Variants in POLA1 observed in about 807,000 individuals in gnomAD.
POLA1 encodes the protein DNA polymerase alpha 1, catalytic subunit, also known as DNA polymerase alpha catalytic subunit.
In POLA1, 15 loss-of-function variants were observed where a neutral mutation model predicts 124.0. The observed-to-expected ratio is 0.12, with a 90% CI of 0.08 to 0.19. The LOEUF (loss-of-function observed/expected upper bound fraction) is 0.19. Ranked by LOEUF, POLA1 falls within the 10% of genes least tolerant of loss-of-function variation. POLA1 has a pLI of 1.00. For synonymous variants in POLA1, 408 were observed against 389.4 expected, an observed-to-expected ratio of 1.05 and a Z score of -0.56; for missense variants, 886 against 1,103.4, an observed-to-expected ratio of 0.80 and a Z score of 2.79.
intron 36 of POLA1, among the ~76,000 whole-genome samples, chrX:24,975,057 G>T (rs1435305404): frequency 8.9e-6 from 1 of 112,573 alleles, no homozygotes; most frequent in African/African-American, 3.2e-5. Context: ...TGTCACCCAG[G>T]CTGGAGTGCA....
chrX:24,891,468 A>G (rs916098646), intron 35 of POLA1, among the ~76,000 whole-genome samples: 3 of 111,738 alleles, frequency 2.7e-5, no homozygotes, highest in African/African-American at 3.3e-5. Context: ...TCTTAATTCT[A>G]TTTGTGAGGT....
chrX:24,799,532 C>G (rs1219631973), intron 26 of POLA1, among the ~76,000 whole-genome samples: 1 of 112,340 alleles, frequency 8.9e-6, no homozygotes, highest in Non-Finnish European at 1.9e-5. Flanking sequence ...CTGAGCATAG[C>G]CAGCCTGACG....
intron 35 of POLA1, among the ~76,000 whole-genome samples, chrX:24,903,213 C>T (rs1405821251): frequency 1.8e-5 from 2 of 112,853 alleles, no homozygotes; most frequent in Admixed American, 1.9e-4. Flanking sequence ...CAAACTGTTC[C>T]GTGATATATC....
At chrX:24,816,851 C>T (rs1007921419) in intron 30 of POLA1, among the ~76,000 whole-genome samples, 19 of 111,492 alleles carry the variant, frequency 1.7e-4, no homozygotes. Context: ...CACAATATTA[C>T]TAGTGTGCAA....
intron 35 of POLA1, among the ~76,000 whole-genome samples, chrX:24,906,247 A>G (rs765291258): frequency 1.8e-5 from 2 of 112,612 alleles, no homozygotes; most frequent in Non-Finnish European, 3.7e-5. Context: ...AAAATATGAA[A>G]CCAACATAAA....
chrX:24,817,754 A>AT (rs1440027812), intron 30 of POLA1, among the ~76,000 whole-genome samples: 1 of 110,971 alleles, frequency 9.0e-6, no homozygotes, highest in African/African-American at 3.3e-5. Context: ...TTCTGTATCT[A>AT]TTTACAGTAA....
chrX:24,924,597 A>G (rs1045868128), intron 35 of POLA1, among the ~76,000 whole-genome samples: 1 of 112,020 alleles, frequency 8.9e-6, no homozygotes, highest in Admixed American at 9.5e-5. Flanking sequence ...GCTGTAGGTC[A>G]GAGGGTGTAG....
intron 4 of POLA1, among the ~76,000 whole-genome samples, chrX:24,710,109 G>A (rs1399153490): frequency 1.3e-5 from 1 of 76,987 alleles, no homozygotes; most frequent in Non-Finnish European, 2.6e-5. Context: ...GGCGGCGCTC[G>A]CCGGCGCCTT....
chrX:24,947,352 T>G (rs981739174), intron 36 of POLA1, among the ~76,000 whole-genome samples: 1 of 93,736 alleles, frequency 1.1e-5, no homozygotes, highest in African/African-American at 4.0e-5. Context: ...ACTGCAGCCT[T>G]GACTCCCCAG....
intron 6 of POLA1, among the ~76,000 whole-genome samples, chrX:24,715,433 T>A (rs1049670287): frequency 9.0e-6 from 1 of 110,966 alleles, no homozygotes; most frequent in Admixed American, 9.6e-5. Flanking sequence ...TAGCTAGGAT[T>A]ACAGGCACCT....
At chrX:24,703,646 A>G (rs1457361297) in intron 3 of POLA1, among the ~76,000 whole-genome samples, 1 of 111,999 alleles carries the variant, frequency 8.9e-6, no homozygotes, top group Non-Finnish European at 1.9e-5. Context: ...CTGTGGGGCC[A>G]ATGCACAGCG....
Position 24,906,856 on chromosome X carries a change from G to C in POLA1, c.4164+18734G>C, listed in dbSNP as rs555807891. On this transcript the variant is annotated intron_variant, in intron 35 of 36. Coordinates refer to ENST00000379068, the MANE Select transcript of POLA1 (RefSeq NM_001330360.2). ...CAATCATAGAATGGAGACGACAGGA[G>C]AAAGAGTAAATGAGCTTGAAGATAG... 2.5e-4 allele frequency among the ~76,000 whole-genome samples: 28 copies of C among 111,645 alleles called. 1 individual carries two copies. In the South Asian group the frequency reaches 0.011, roughly 42 times the overall value.
intron 36 of POLA1, among the ~76,000 whole-genome samples, chrX:24,988,290 CA>C (rs1282272056): frequency 8.9e-6 from 1 of 112,364 alleles, no homozygotes; most frequent in Non-Finnish European, 1.9e-5. Context: ...ATTTGTTGAC[CA>C]TTAACATGGT....
rs35938897 is a variant in POLA1 at position 24,801,924 on chromosome X, GGTGTGTGTGTGT to G, written c.2965-7938_2965-7927del. Among the ~76,000 whole-genome samples the G allele has an allele frequency of 3.5e-3, 259 of 74,537 alleles. 1 individual carries two copies. Among genetic ancestry groups the G allele is most frequent in the African/African-American group, 0.013 (230 of 18,236 alleles). The allele number at this position is 74,537 out of a possible 115,157, so 64.7% of individuals were successfully genotyped here. A position where few individuals can be genotyped will look rare whatever the true frequency, so the allele number is the denominator to read the frequency against. ...ACAGAGCCACTAGGAGAGGTGGGTG[GGTGTGTGTGTGT>G]GTGTGTGTGTGTGTGTGTGTGTGTG... On this transcript the variant is annotated intron_variant, in intron 26 of 36. Transcript: ENST00000379068.
At chrX:24,951,524 G>A (rs1034185219) in intron 36 of POLA1, among the ~76,000 whole-genome samples, 13 of 109,546 alleles carry the variant, frequency 1.2e-4, no homozygotes, top group African/African-American at 4.0e-4. Flanking sequence ...TTTAAATACT[G>A]GTGTGTTTAC....
chrX:24,930,853 A>ATG (rs1244160300), intron 36 of POLA1, among the ~76,000 whole-genome samples: 1 of 112,609 alleles, frequency 8.9e-6, no homozygotes, highest in Non-Finnish European at 1.9e-5. Flanking sequence ...GAGTTTAGTA[A>ATG]CTGTAATAAA....
chrX:24,963,686 A>G (rs986412087), intron 36 of POLA1, among the ~76,000 whole-genome samples: 25 of 111,823 alleles, frequency 2.2e-4, no homozygotes, highest in African/African-American at 7.8e-4. Context: ...CTCATTTGAT[A>G]TATTATGGTA....
At chrX:24,798,547 A>G (rs2045652238) in intron 26 of POLA1, among the ~76,000 whole-genome samples, 1 of 110,917 alleles carries the variant, frequency 9.0e-6, no homozygotes, top group Non-Finnish European at 1.9e-5. Flanking sequence ...TTAAGAAACC[A>G]TTTTTTTCTA....
rs1224714587 is a variant in POLA1, at chrX:24,716,472, A to G, written c.618+18A>G. The G allele has an allele frequency of 1.1e-6, 1 of 903,143 alleles. No homozygotes were observed. The highest frequency in any genetic ancestry group is 2.0e-5 in the South Asian group (1 of 49,136). The allele number at this position is 903,143 out of a possible 1,213,427, so 74.4% of individuals were successfully genotyped here. A position where few individuals can be genotyped will look rare whatever the true frequency, so the allele number is the denominator to read the frequency against. ...CCGCCACGGTAAAGTGTGTAGAGATACCTTCAATCTTGATTTATAGTATTG... is the reference window on the plus strand; with the variant it reads ...CCGCCACGGTAAAGTGTGTAGAGATGCCTTCAATCTTGATTTATAGTATTG... On this transcript the variant is annotated intron_variant, in intron 7 of 36. Coordinates refer to ENST00000379068, the MANE Select transcript of POLA1 (RefSeq NM_001330360.2).
Sources: gnomAD v4.1 joint callset for allele counts (sites outside exome capture counted in the v4.1 genomes callset) on GRCh38, gnomAD v4.1.1 for gene constraint, MANE v1.5 for transcripts, NCBI Gene and HGNC (gene_info 2026-07-23, HGNC 2026-07-21) for gene names.